Variants in CALD1 observed in about 807,000 individuals in gnomAD.
CALD1 encodes caldesmon 1.
A neutral mutation model predicts 99.9 loss-of-function variants in CALD1; 33 were observed. That is an observed-to-expected ratio of 0.33 (90% CI 0.25 to 0.44). The LOEUF is 0.44. CALD1 is among the 20% of genes least tolerant of loss of function. The probability of loss-of-function intolerance (pLI) is 1.00; values close to 1 mark genes in which losing one functional copy is unlikely to be tolerated. For missense variants in CALD1, 861 were observed against 962.1 expected (o/e 0.89, Z 1.39); for synonymous variants, 310 against 325.0 (o/e 0.95, Z 0.50).
intron 2 of CALD1, among the ~76,000 whole-genome samples, chr7:134,863,162 A>G (rs1800635449): frequency 6.6e-6 from 1 of 152,196 alleles, no homozygotes; most frequent in Admixed American, 6.5e-5. Context: ...CTCCAAATGC[A>G]GGAGAAAATG....
chr7:134,951,299 G>A (rs193256892), intron 9 of CALD1, among the ~76,000 whole-genome samples: 1 of 152,316 alleles, frequency 6.6e-6, no homozygotes, highest in Non-Finnish European at 1.5e-5. Flanking sequence ...ATGGAAAGGA[G>A]GGACAGTAGT....
chr7:134,722,063 C>T, the CALD1 span, among the ~76,000 whole-genome samples: 1,418 of 152,258 alleles, frequency 9.3e-3, 9 homozygotes, highest in Non-Finnish European at 0.015. Flanking sequence ...CTAAAACATT[C>T]TAGTTAAGTG....
chr7:134,844,855 G>C (rs1799788303), intron 2 of CALD1, among the ~76,000 whole-genome samples: 1 of 152,080 alleles, frequency 6.6e-6, no homozygotes. Flanking sequence ...TCCTCTTCTT[G>C]TAAAAACACC....
intron 1 of CALD1, among the ~76,000 whole-genome samples, chr7:134,843,552 C>T (rs892705808): frequency 1.3e-5 from 2 of 152,148 alleles, no homozygotes; most frequent in East Asian, 1.9e-4. Flanking sequence ...TTCAGTTTCC[C>T]TTTATTCATT....
the CALD1 span, among the ~76,000 whole-genome samples, chr7:134,736,640 G>A: frequency 6.6e-6 from 1 of 152,176 alleles, no homozygotes; most frequent in Non-Finnish European, 1.5e-5. Flanking sequence ...CTGTCAAGAC[G>A]ACCTTAAATA....
chr7:134,848,692 C>T (rs1436876506), intron 2 of CALD1, among the ~76,000 whole-genome samples: 1 of 152,080 alleles, frequency 6.6e-6, no homozygotes, highest in Non-Finnish European at 1.5e-5. Flanking sequence ...GAATTCCTCC[C>T]ATAAGTATAT....
intron 2 of CALD1, among the ~76,000 whole-genome samples, chr7:134,864,288 A>G (rs1303171819): frequency 6.7e-6 from 1 of 149,662 alleles, no homozygotes; most frequent in South Asian, 2.1e-4. Flanking sequence ...CAAAGGCTGC[A>G]GTGAGCCGAG....
intron 1 of CALD1, among the ~76,000 whole-genome samples, chr7:134,809,404 C>T (rs1367564385): frequency 3.9e-5 from 6 of 152,222 alleles, no homozygotes; most frequent in Middle Eastern, 3.4e-3. Context: ...GAATCCTTTG[C>T]GCTTCCATTT....
At chr7:134,891,805 A>C in intron 3 of CALD1, 1 of 731,424 alleles carries the variant, frequency 1.4e-6, no homozygotes, top group South Asian at 2.0e-5. Flanking sequence ...GACACCAGGC[A>C]GGAAAGGAAT....
chr7:134,827,718 G>A (rs1211491916), intron 1 of CALD1, among the ~76,000 whole-genome samples: 1 of 152,230 alleles, frequency 6.6e-6, no homozygotes, highest in African/African-American at 2.4e-5. Flanking sequence ...AGAAATGTCA[G>A]TCAAAGGTGT....
chr7:134,824,837 ATTACGCTG>A (rs2132031243), intron 1 of CALD1, among the ~76,000 whole-genome samples: 1 of 152,242 alleles, frequency 6.6e-6, no homozygotes, highest in South Asian at 2.1e-4. Flanking sequence ...CACCCATTAT[ATTACGCTG>A]TTAAAGAATA....
intron 1 of CALD1, among the ~76,000 whole-genome samples, chr7:134,835,263 C>T (rs1003791063): frequency 4.6e-5 from 7 of 152,156 alleles, no homozygotes; most frequent in Admixed American, 3.3e-4. Flanking sequence ...TGCCCAGATT[C>T]TCTCTGTCAG....
chr7:134,808,259 C>G (rs373017992), intron 1 of CALD1, among the ~76,000 whole-genome samples: 1 of 115,592 alleles, frequency 8.7e-6, no homozygotes, highest in Non-Finnish European at 1.9e-5. Context: ...TGCTATCATG[C>G]TGGGCTAATT....
intron 3 of CALD1, among the ~76,000 whole-genome samples, chr7:134,894,172 C>T (rs1388323576): frequency 6.6e-6 from 1 of 152,116 alleles, no homozygotes; most frequent in Non-Finnish European, 1.5e-5. Context: ...TGTAGCTTTT[C>T]ACCTTGTAGC....
chr7:134,762,614 C>G (rs113902523), intron 1 of CALD1, among the ~76,000 whole-genome samples: 4,873 of 152,194 alleles, frequency 0.032, 239 homozygotes, highest in African/African-American at 0.11. Flanking sequence ...AACTTACAAT[C>G]CTGGTGGAAG....
chr7:134,953,505 C>T (rs553363549), intron 9 of CALD1, among the ~76,000 whole-genome samples: 3 of 146,870 alleles, frequency 2.0e-5, no homozygotes, highest in Middle Eastern at 3.4e-3. Context: ...GCAACAAAAG[C>T]AAAACTCCGT....
At chr7:134,891,566 G>A in intron 3 of CALD1, 1 of 1,571,588 alleles carries the variant, frequency 6.4e-7, no homozygotes, top group Non-Finnish European at 8.6e-7. Context: ...CTGACCGCCC[G>A]GCCTGGCCAG....
At chr7:134,957,592 G>C (rs1018526762) in intron 9 of CALD1, among the ~76,000 whole-genome samples, 1 of 151,996 alleles carries the variant, frequency 6.6e-6, no homozygotes, top group African/African-American at 2.4e-5. Flanking sequence ...GCTACTTTTT[G>C]TATTTTTTAG....
At chr7:134,947,426 A>C in intron 7 of CALD1, 82 bp from the exon 8 acceptor site, 2 of 1,391,368 alleles carry the variant, frequency 1.4e-6, no homozygotes, top group Non-Finnish European at 1.9e-6. Context: ...GGGATGCAGA[A>C]GCCGCAGACC....
Sources: allele counts gnomAD v4.1 joint callset (sites outside exome capture counted in the v4.1 genomes callset), GRCh38; gene constraint gnomAD v4.1.1; transcripts MANE v1.5; gene names NCBI Gene and HGNC (gene_info 2026-07-23, HGNC 2026-07-21).